Variants in CCDC33 observed in about 807,000 individuals in gnomAD.
CCDC33 encodes the protein coiled-coil domain containing 33.
A neutral mutation model predicts 91.9 loss-of-function variants in CCDC33; 94 were observed. That is an observed-to-expected ratio of 1.02 (90% CI 0.87 to 1.21). The LOEUF is 1.21. Ranked by LOEUF, CCDC33 falls within the 50% of genes most tolerant of loss-of-function variation. The pLI, the probability that CCDC33 is intolerant of heterozygous loss-of-function variation, is 0.00. For missense variants in CCDC33, 940 were observed against 935.5 expected (o/e 1.00, Z -0.06); for synonymous variants, 396 against 374.5 (o/e 1.06, Z -0.66).
intron 8 of CCDC33, 30 bp from the exon 9 acceptor site, chr15:74,280,638 C>T (rs1596017282): frequency 7.0e-7 from 1 of 1,434,758 alleles, no homozygotes; most frequent in Non-Finnish European, 9.2e-7. Context: ...GGGGCTTTGG[C>T]AGGAGCCCTA....
intron 11 of CCDC33, among the ~76,000 whole-genome samples, chr15:74,306,600 C>G (rs1027952931): frequency 3.3e-5 from 5 of 152,268 alleles, no homozygotes; most frequent in African/African-American, 1.2e-4. Flanking sequence ...CTGTGGGGCC[C>G]CAGGGCTAGT....
intron 7 of CCDC33, among the ~76,000 whole-genome samples, chr15:74,279,015 G>A (rs2076521508): frequency 6.6e-6 from 1 of 152,192 alleles, no homozygotes; most frequent in African/African-American, 2.4e-5. Context: ...CAGAGGTCAT[G>A]TCTAACTTGG....
Position 74,217,384 on chromosome 15 carries a change from AT to A in CCDC33, c.114del (p.Asn38LysfsTer8). On this transcript the variant is annotated frameshift_variant, in exon 1 of 3. Transcript: ENST00000635913. LOFTEE classifies it high-confidence loss of function. ...TTCGAAGTTTTGAGCGTGGGGTTTA[AT>A]GAGGCGGGTAGATACGCCCTGAGAC... 10 of 1,289,894 alleles carry A rather than the reference AT, an allele frequency of 7.8e-6. No individual in the cohort carries two copies. Among genetic ancestry groups the A allele is most frequent in the Non-Finnish European group, 1.0e-5 (10 of 988,882 alleles). 79.9% of individuals were successfully genotyped at this position (1,289,894 alleles called of 1,614,324 possible).
chr15:74,220,773 T>TG (rs943672576), intron 2 of CCDC33, among the ~76,000 whole-genome samples: 3 of 150,114 alleles, frequency 2.0e-5, no homozygotes, highest in South Asian at 2.1e-4. Flanking sequence ...TGGGGGAGAG[T>TG]GGGGGGAGAG....
chr15:74,237,810 C>A (rs911200946), intron 1 of CCDC33, among the ~76,000 whole-genome samples: 7 of 152,190 alleles, frequency 4.6e-5, no homozygotes, highest in African/African-American at 1.7e-4. Flanking sequence ...TGATTAGTAG[C>A]TTTGAGAAGC....
intron 10 of CCDC33, 60 bp from the exon 11 acceptor site, chr15:74,295,690 CTTAT>C: frequency 7.1e-7 from 1 of 1,418,392 alleles, no homozygotes; most frequent in South Asian, 1.3e-5. Context: ...AGATGGTGTG[CTTAT>C]GGTAGATGGG....
chr15:74,297,244 C>T (rs1485636115), intron 11 of CCDC33, among the ~76,000 whole-genome samples: 1 of 152,170 alleles, frequency 6.6e-6, no homozygotes, highest in Non-Finnish European at 1.5e-5. Flanking sequence ...GGAAAGAGCC[C>T]TTGGGATTAA....
intron 1 of CCDC33, among the ~76,000 whole-genome samples, chr15:74,237,611 C>T (rs2075207637): frequency 6.6e-6 from 1 of 152,188 alleles, no homozygotes; most frequent in African/African-American, 2.4e-5. Flanking sequence ...CTGCCCACAG[C>T]TGCCCCCCAC....
chr15:74,314,118 G>A (rs145555796), intron 11 of CCDC33, among the ~76,000 whole-genome samples: 54 of 152,276 alleles, frequency 3.5e-4, no homozygotes, highest in African/African-American at 1.1e-3. Flanking sequence ...CCCATCTCCC[G>A]CTCTGACATA....
intron 10 of CCDC33, among the ~76,000 whole-genome samples, chr15:74,287,132 A>G (rs991565669): frequency 6.6e-6 from 1 of 152,194 alleles, no homozygotes; most frequent in Non-Finnish European, 1.5e-5. Context: ...GATGGTCCTT[A>G]GAGAAACTGC....
In CCDC33 at chr15:74,218,803, G is replaced by T; in HGVS notation, c.617G>T (p.Arg206Met). ...CCTCCAGTCTCAGACAGCCCTCCCA[G>T]GGCTGGCCAGCCAGAACTGATGTCA... Residue 206 changes from arginine to methionine, a missense_variant, in exon 2 of 3, where the codon AGG becomes ATG. Arg to Met is a moderately conservative substitution (Grantham distance 91). Transcript: ENST00000635913. The surrounding 1 kb of genome is among the most constrained non-coding windows in gnomAD (Gnocchi z 4.8). The T allele has an allele frequency of 1.6e-6, 2 of 1,284,560 alleles. No homozygotes were observed. Among genetic ancestry groups the T allele is most frequent in the South Asian group, 1.2e-5 (1 of 80,466 alleles). 79.6% of individuals were successfully genotyped at this position (1,284,560 alleles called of 1,614,324 possible).
In CCDC33 at chr15:74,295,943, G is replaced by A. The variant is rs267604317; in HGVS notation, c.1285G>A (p.Asp429Asn). The change falls in exon 11 of 19, where the codon GAC becomes AAC. Residue 429 changes from aspartate (D) to asparagine (N), a missense_variant. Transcript: ENST00000398814. ...EEPLVPEMSH[D>N]TEMNNYRRAM... ...ACCTCTGGTGCCTGAGATGTCCCAT[G>A]ACACAGTGAGTGTCTCTCCCCAGGT... The A allele has an allele frequency of 6.2e-7, 1 of 1,610,936 alleles. No individual in the cohort carries two copies. Among genetic ancestry groups the A allele is most frequent in the East Asian group, 2.2e-5 (1 of 44,766 alleles).
rs998508426 is a variant in CCDC33, at chr15:74,207,616, G to A, written n.90-1772G>A. ...ATAGTTTACAATACTCAAACCTCAG[G>A]TACACCCCCAACTTCGATAGCACGG... is the stretch of plus-strand genomic sequence containing the variant. On this transcript the variant is annotated intron_variant and non_coding_transcript_variant, in intron 1 of 3. Transcript: ENST00000558645. 66 of 1,336,470 alleles carry A rather than the reference G, an allele frequency of 4.9e-5. No individual in the cohort carries two copies. The Admixed American group carries it at 7.5e-4, about 15-fold the overall frequency. 82.8% of individuals were successfully genotyped at this position (1,336,470 alleles called of 1,614,324 possible).
chr15:74,218,468 A>G lies in CCDC33; in HGVS notation c.311-29A>G. 8.0e-7 allele frequency: 1 copy of G among 1,250,866 alleles called. No homozygotes were observed. Among genetic ancestry groups the G allele is most frequent in the Non-Finnish European group, 1.0e-6 (1 of 967,166 alleles). The allele number at this position is 1,250,866 out of a possible 1,614,324, so 77.5% of individuals were successfully genotyped here. ...GGCAGATGCAGAGAAACCTGAGACCATCTCTGAGCCCTGTGTTCCCTCATC... is the reference window on the plus strand; with the variant it reads ...GGCAGATGCAGAGAAACCTGAGACCGTCTCTGAGCCCTGTGTTCCCTCATC... On this transcript the variant is annotated intron_variant, in intron 1 of 2. Transcript: ENST00000635913. The surrounding 1 kb of genome is among the most constrained non-coding windows in gnomAD (Gnocchi z 4.8).
At chr15:74,252,723 A>G (rs1484641400) in intron 2 of CCDC33, among the ~76,000 whole-genome samples, 1 of 152,170 alleles carries the variant, frequency 6.6e-6, no homozygotes, top group Non-Finnish European at 1.5e-5. Flanking sequence ...CCCCATGGGA[A>G]AAAAGACAAG....
At chr15:74,241,426 G>A (rs796825215) in intron 1 of CCDC33, among the ~76,000 whole-genome samples, 3 of 152,192 alleles carry the variant, frequency 2.0e-5, no homozygotes, top group Admixed American at 6.5e-5. Context: ...GGGCAGAGGC[G>A]GGGAGGCAGG....
At chr15:74,304,974 T>C (rs2059867353) in intron 11 of CCDC33, among the ~76,000 whole-genome samples, 1 of 151,636 alleles carries the variant, frequency 6.6e-6, no homozygotes, top group South Asian at 2.1e-4. Context: ...GACAGAGTCT[T>C]GCTCTGTCAC....
At chr15:74,321,116 A>G (rs1168916630) in intron 11 of CCDC33, among the ~76,000 whole-genome samples, 1 of 152,166 alleles carries the variant, frequency 6.6e-6, no homozygotes, top group Non-Finnish European at 1.5e-5. Flanking sequence ...TGTCCCTGAG[A>G]CGGCCCCTCA....
intron 2 of CCDC33, among the ~76,000 whole-genome samples, chr15:74,220,788 C>G (rs2074568385): frequency 6.6e-6 from 1 of 152,126 alleles, no homozygotes; most frequent in African/African-American, 2.4e-5. Flanking sequence ...GGAGAGTCAG[C>G]AATCATAACC....
Sources: allele counts gnomAD v4.1 joint callset (sites outside exome capture counted in the v4.1 genomes callset), GRCh38; gene constraint gnomAD v4.1.1; non-coding constraint Gnocchi (gnomAD v3.1); transcripts MANE v1.5; gene names NCBI Gene and HGNC (gene_info 2026-07-23, HGNC 2026-07-21).